Variants in PSD3 observed in about 807,000 individuals in gnomAD.
PSD3 encodes the protein PH and SEC7 domain-containing protein 3.
PSD3 carries 49 observed loss-of-function variants against 105.5 expected under a neutral mutation model. That is an observed-to-expected ratio of 0.46 (90% confidence interval 0.37 to 0.59). PSD3 has a LOEUF of 0.59. Ranked by LOEUF, PSD3 falls within the 20% of genes least tolerant of loss-of-function variation. PSD3 has a pLI of 0.00. For synonymous variants in PSD3, 557 were observed against 457.8 expected, an observed-to-expected ratio of 1.22 and a Z score of -2.77; for missense variants, 1,561 against 1,263.8, an observed-to-expected ratio of 1.24 and a Z score of -3.57.
intron 1 of PSD3, among the ~76,000 whole-genome samples, chr8:19,012,398 T>C (rs2129475418): frequency 6.6e-6 from 1 of 152,334 alleles, no homozygotes; most frequent in South Asian, 2.1e-4. Context: ...GGTTTGTAAA[T>C]ACTCTCAGAA....
intron 4 of PSD3, among the ~76,000 whole-genome samples, chr8:18,844,233 T>C (rs184080153): frequency 7.2e-5 from 11 of 152,288 alleles, no homozygotes; most frequent in Admixed American, 2.0e-4. Flanking sequence ...GAAGGTACCA[T>C]GGAAAGAAAG....
intron 10 of PSD3, among the ~76,000 whole-genome samples, chr8:18,654,836 G>C (rs1473753936): frequency 6.6e-6 from 1 of 152,032 alleles, no homozygotes; most frequent in East Asian, 1.9e-4. Context: ...GGTTGCTGTT[G>C]TTGTTTTGTG....
intron 1 of PSD3, among the ~76,000 whole-genome samples, chr8:19,032,710 T>C (rs907184909): frequency 2.0e-5 from 3 of 151,962 alleles, no homozygotes; most frequent in African/African-American, 7.2e-5. Context: ...TAAGCTACAT[T>C]CATCTGCTAT....
intron 1 of PSD3, among the ~76,000 whole-genome samples, chr8:18,950,524 C>T (rs1823169420): frequency 6.6e-6 from 1 of 152,164 alleles, no homozygotes; most frequent in South Asian, 2.1e-4. Flanking sequence ...CTCTGGCCAT[C>T]ATCTCCCGAT....
At chr8:19,044,503 T>C (rs1412382680) in intron 1 of PSD3, among the ~76,000 whole-genome samples, 1 of 152,222 alleles carries the variant, frequency 6.6e-6, no homozygotes, top group East Asian at 1.9e-4. Context: ...GTTGAATAGA[T>C]TAAATAATAT....
chr8:18,766,300 C>G (rs371030219), intron 8 of PSD3, among the ~76,000 whole-genome samples: 40 of 152,318 alleles, frequency 2.6e-4, no homozygotes, highest in African/African-American at 9.6e-4. Context: ...CACTACTACA[C>G]TCCAGCCTGG....
intron 1 of PSD3, among the ~76,000 whole-genome samples, chr8:18,986,693 G>C (rs1325741627): frequency 6.6e-6 from 1 of 151,680 alleles, no homozygotes; most frequent in Non-Finnish European, 1.5e-5. Context: ...TTCACTTATC[G>C]CTGAATGCCC....
intron 1 of PSD3, among the ~76,000 whole-genome samples, chr8:19,051,770 T>C (rs1413414502): frequency 6.6e-6 from 1 of 152,174 alleles, no homozygotes; most frequent in African/African-American, 2.4e-5. Context: ...CATCATTGTA[T>C]CCACCGTACC....
chr8:18,759,373 T>G (rs1019279423), intron 9 of PSD3, among the ~76,000 whole-genome samples: 7 of 152,184 alleles, frequency 4.6e-5, no homozygotes, highest in African/African-American at 1.7e-4. Flanking sequence ...GACCTACTTG[T>G]GTATTTAAAT....
At chr8:18,844,510 T>C (rs1324878253) in intron 4 of PSD3, among the ~76,000 whole-genome samples, 2 of 152,144 alleles carry the variant, frequency 1.3e-5, no homozygotes, top group African/African-American at 4.8e-5. Context: ...TTGTCTACTA[T>C]ATTTATAGCT....
chr8:18,778,639 G>T lies in PSD3; in HGVS notation c.2083-13101C>A, dbSNP rs1404451541. ...GTGTTCTTTCTATGTCTAATTTATT[G>T]AGTTTTTTTATTATGAAGGGATGTT... On this transcript the variant is annotated intron_variant, in intron 8 of 15. Coordinates refer to ENST00000327040, the MANE Select transcript of PSD3 (RefSeq NM_015310.4). 3.4e-5 allele frequency among the ~76,000 whole-genome samples: 5 copies of T among 147,498 alleles called. No homozygotes were observed. In the Admixed American group the frequency reaches 3.4e-4, roughly 10 times the overall value.
At chr8:18,604,289 C>T in intron 11 of PSD3, among the ~76,000 whole-genome samples, 1 of 152,122 alleles carries the variant, frequency 6.6e-6, no homozygotes, top group East Asian at 1.9e-4. Context: ...TTTTGTTATG[C>T]CTTACCAAAG....
chr8:18,591,628 G>A (rs1233534321), intron 12 of PSD3, among the ~76,000 whole-genome samples: 1 of 152,140 alleles, frequency 6.6e-6, no homozygotes, highest in African/African-American at 2.4e-5. Context: ...GAGACAGGTG[G>A]CTTGCTGTGG....
intron 4 of PSD3, among the ~76,000 whole-genome samples, chr8:18,861,003 GTTTGT>G (rs1342533855): frequency 2.0e-5 from 3 of 152,124 alleles, no homozygotes; most frequent in Non-Finnish European, 4.4e-5. Context: ...ACTTTGGTTT[GTTTGT>G]TTTAAGGTTT....
intron 9 of PSD3, among the ~76,000 whole-genome samples, chr8:18,713,816 C>T (rs1474391887): frequency 6.6e-6 from 1 of 152,022 alleles, no homozygotes; most frequent in Non-Finnish European, 1.5e-5. Flanking sequence ...AGAGTCTGTA[C>T]AGCCAAGACA....
At chr8:18,781,145 T>C (rs1039159276) in intron 8 of PSD3, among the ~76,000 whole-genome samples, 24 of 152,230 alleles carry the variant, frequency 1.6e-4, no homozygotes, top group African/African-American at 5.5e-4. Context: ...ACCACGTTGA[T>C]TTCTTATTAA....
At position 18,702,222 on chromosome 8, in the gene PSD3, T is replaced by C. The variant is rs923873400; in HGVS notation, c.2173-46537A>G. On this transcript the variant is annotated intron_variant, in intron 9 of 15. Coordinates refer to ENST00000327040, the MANE Select transcript of PSD3 (RefSeq NM_015310.4). The stretch of plus-strand genomic sequence containing the variant: ...ATGTTTAAGATCATCTTGAAATATA[T>C]TGGAAATGTATCTCTCAGATCCACA... 5.3e-5 allele frequency among the ~76,000 whole-genome samples: 8 copies of C among 152,230 alleles called. No homozygotes were observed. The South Asian group carries it at 1.0e-3, about 20-fold the overall frequency.
rs772243855 is a variant in PSD3 at position 18,572,597 on chromosome 8, T to C, written c.2715A>G (p.Pro905=). Residue 905 remains proline, a synonymous_variant, in exon 14 of 16, where the codon CCA becomes CCG. Coordinates refer to ENST00000327040, the MANE Select transcript of PSD3 (RefSeq NM_015310.4). ...ACTTCTTCTGAGAGCCGATTGCTGC[T>C]GGAAATGGTGGTGCAGAAAATACAG... The part of the protein sequence containing the change: ...VAAVFSAPPF[P]AAIGSQKKFS... The C allele has an allele frequency of 1.2e-5, 20 of 1,614,148 alleles. 1 individual carries two copies. The South Asian group carries it at 1.8e-4, about 14-fold the overall frequency.
intron 8 of PSD3, among the ~76,000 whole-genome samples, chr8:18,797,305 G>A (rs919270080): frequency 6.6e-6 from 1 of 152,090 alleles, no homozygotes. Flanking sequence ...CACTGTTATT[G>A]ATAATTTTCT....
Sources: allele counts gnomAD v4.1 joint callset (sites outside exome capture counted in the v4.1 genomes callset), GRCh38; gene constraint gnomAD v4.1.1; transcripts MANE v1.5; gene names NCBI Gene and HGNC (gene_info 2026-07-23, HGNC 2026-07-21).